The following DLC1 variants were observed in gnomAD, a reference collection of about 807,000 sequenced individuals.
DLC1 encodes rho GTPase-activating protein 7.
In DLC1, 54 loss-of-function variants were observed where a neutral mutation model predicts 140.3. That is an observed-to-expected ratio of 0.38 (90% CI 0.31 to 0.48). The LOEUF is 0.48. DLC1 is among the 20% of genes least tolerant of loss of function. DLC1 has a pLI of 0.96. For missense variants in DLC1, 2,536 were observed against 1,907.0 expected (o/e 1.33, Z -6.14); for synonymous variants, 986 against 728.1 (o/e 1.35, Z -5.70).
intron 1 of DLC1, among the ~76,000 whole-genome samples, chr8:13,593,730 G>A (rs1805596484): frequency 6.6e-6 from 1 of 152,068 alleles, no homozygotes; most frequent in African/African-American, 2.4e-5. Flanking sequence ...TTATTTTGAA[G>A]AGGAAAGACA....
In DLC1 at chr8:13,491,056, GTGAGGGCAATTAAATC is replaced by G. The variant is rs1348708858; in HGVS notation, c.1023+7977_1023+7992del. Reference sequence around the variant, plus strand: ...TATAAATTTAGAATATATATTCTGAGTGAGGGCAATTAAATCTGAATATATACATATTCAAATTTAA... The same window carrying G: ...TATAAATTTAGAATATATATTCTGAGTGAATATATACATATTCAAATTTAA... On this transcript the variant is annotated intron_variant, in intron 2 of 17. Coordinates refer to ENST00000276297, the MANE Select transcript of DLC1 (RefSeq NM_182643.3). Among the ~76,000 whole-genome samples, 3 of 147,466 alleles carry G rather than the reference GTGAGGGCAATTAAATC, an allele frequency of 2.0e-5. No homozygotes were observed. The East Asian group carries it at 5.9e-4, about 29-fold the overall frequency.
chr8:13,508,828 G>T (rs1258974672), intron 1 of DLC1, among the ~76,000 whole-genome samples: 1 of 151,940 alleles, frequency 6.6e-6, no homozygotes, highest in Non-Finnish European at 1.5e-5. Flanking sequence ...AGAATAATTT[G>T]GGCATTTACA....
intron 5 of DLC1, among the ~76,000 whole-genome samples, chr8:13,280,046 G>A (rs1445602219): frequency 1.3e-5 from 2 of 151,716 alleles, no homozygotes; most frequent in African/African-American, 2.4e-5. Flanking sequence ...TTGGGAGGCC[G>A]AGGTGCATGG....
intron 2 of DLC1, among the ~76,000 whole-genome samples, chr8:13,457,351 GA>G (rs1799439135): frequency 6.6e-6 from 1 of 152,034 alleles, no homozygotes; most frequent in Non-Finnish European, 1.5e-5. Context: ...GTAATGCCTG[GA>G]AAATTCTTAG....
intron 4 of DLC1, among the ~76,000 whole-genome samples, chr8:13,326,991 G>C (rs1300675899): frequency 6.6e-6 from 1 of 152,050 alleles, no homozygotes; most frequent in Non-Finnish European, 1.5e-5. Context: ...ATCTCGCTCT[G>C]TTGCCCAGGC....
intron 5 of DLC1, among the ~76,000 whole-genome samples, chr8:13,178,997 A>G (rs765616500): frequency 3.3e-5 from 5 of 152,238 alleles, no homozygotes; most frequent in Non-Finnish European, 5.9e-5. Flanking sequence ...CATTATCTAT[A>G]ATAGCTTCAG....
At chr8:13,455,539 A>G (rs1459495648) in intron 2 of DLC1, among the ~76,000 whole-genome samples, 1 of 152,134 alleles carries the variant, frequency 6.6e-6, no homozygotes, top group African/African-American at 2.4e-5. Flanking sequence ...GGAAGACTCT[A>G]CAGCTCCTTC....
At chr8:13,532,348 A>T (rs1803127110) in intron 1 of DLC1, among the ~76,000 whole-genome samples, 1 of 152,196 alleles carries the variant, frequency 6.6e-6, no homozygotes, top group South Asian at 2.1e-4. Context: ...GTCTCTTCCT[A>T]GGAGAAATTA....
chr8:13,141,176 A>C (rs1404640970), intron 5 of DLC1, among the ~76,000 whole-genome samples: 1 of 144,750 alleles, frequency 6.9e-6, no homozygotes, highest in Non-Finnish European at 1.5e-5. Context: ...AATCACTTGA[A>C]TCTGGGAGGT....
At chr8:13,365,705 A>G (rs1487806431) in intron 4 of DLC1, among the ~76,000 whole-genome samples, 2 of 152,172 alleles carry the variant, frequency 1.3e-5, no homozygotes, top group Non-Finnish European at 2.9e-5. Flanking sequence ...TTAGCAGCAC[A>G]TAACTGCCTG....
At chr8:13,479,740 C>T (rs1485349271) in intron 2 of DLC1, among the ~76,000 whole-genome samples, 2 of 26,612 alleles carry the variant, frequency 7.5e-5, no homozygotes, top group Non-Finnish European at 3.7e-4. Flanking sequence ...TGAGACCAGT[C>T]CCAGCAACAC....
chr8:13,529,299 A>G (rs554422308), intron 1 of DLC1, among the ~76,000 whole-genome samples: 36 of 152,318 alleles, frequency 2.4e-4, no homozygotes, highest in Non-Finnish European at 4.7e-4. Context: ...AATTATAACA[A>G]TTAACTTGTC....
intron 4 of DLC1, among the ~76,000 whole-genome samples, chr8:13,375,850 A>C (rs1466632786): frequency 5.3e-5 from 8 of 152,190 alleles, no homozygotes; most frequent in Non-Finnish European, 1.2e-4. Flanking sequence ...AATATTTGGC[A>C]GAGTATTACG....
intron 4 of DLC1, among the ~76,000 whole-genome samples, chr8:13,371,434 T>C (rs902745402): frequency 3.3e-5 from 5 of 152,308 alleles, no homozygotes; most frequent in Non-Finnish European, 5.9e-5. Flanking sequence ...TTTGTCACAG[T>C]GTAGGAGATG....
chr8:13,398,854 C>T (rs1430296998), intron 3 of DLC1, among the ~76,000 whole-genome samples: 1 of 152,070 alleles, frequency 6.6e-6, no homozygotes, highest in African/African-American at 2.4e-5. Flanking sequence ...GAGAAAGAAG[C>T]AAAGAGGCAC....
chr8:13,468,515 A>G (rs1800054475), intron 2 of DLC1, among the ~76,000 whole-genome samples: 1 of 151,746 alleles, frequency 6.6e-6, no homozygotes, highest in Non-Finnish European at 1.5e-5. Context: ...CTAGGACTAC[A>G]GATGTGCACC....
intron 1 of DLC1, among the ~76,000 whole-genome samples, chr8:13,521,685 C>A (rs1208338660): frequency 6.6e-6 from 1 of 152,120 alleles, no homozygotes; most frequent in Non-Finnish European, 1.5e-5. Flanking sequence ...ACATTCTCAG[C>A]CCACCATTTG....
intron 2 of DLC1, among the ~76,000 whole-genome samples, chr8:13,437,812 C>A (rs1461997213): frequency 1.3e-5 from 2 of 152,020 alleles, no homozygotes; most frequent in African/African-American, 4.8e-5. Context: ...CAAATTGATT[C>A]AAATAACAGA....
chr8:13,562,441 G>A (rs372728241), intron 1 of DLC1, among the ~76,000 whole-genome samples: 1 of 152,118 alleles, frequency 6.6e-6, no homozygotes, highest in African/African-American at 2.4e-5. Flanking sequence ...AAAAAGAAAT[G>A]TAAGTGGCCT....
Sources: gnomAD v4.1 joint callset for allele counts (sites outside exome capture counted in the v4.1 genomes callset) on GRCh38, gnomAD v4.1.1 for gene constraint, MANE v1.5 for transcripts, NCBI Gene and HGNC (gene_info 2026-07-23, HGNC 2026-07-21) for gene names.